The following CNTLN variants were observed in gnomAD, a reference collection of about 807,000 sequenced individuals.
The protein encoded by CNTLN is centlein.
A neutral mutation model predicts 180.0 loss-of-function variants in CNTLN; 212 were observed. The observed-to-expected ratio is 1.18, with a 90% CI of 1.05 to 1.32. The LOEUF (loss-of-function observed/expected upper bound fraction) is 1.32. Among genes scored for constraint, CNTLN ranks in the 40% most tolerant of loss-of-function variants. The probability of loss-of-function intolerance (pLI) is 0.00; values close to 1 mark genes in which losing one functional copy is unlikely to be tolerated. For missense variants in CNTLN, 2,095 were observed against 1,610.9 expected (o/e 1.30, Z -5.14); for synonymous variants, 722 against 563.1 (o/e 1.28, Z -3.99).
chr9:17,262,872 G>A (rs974648312), intron 5 of CNTLN, among the ~76,000 whole-genome samples: 1 of 151,194 alleles, frequency 6.6e-6, no homozygotes, highest in Non-Finnish European at 1.5e-5. Context: ...TAGTATTTTG[G>A]GGTGTGTTCC....
intron 15 of CNTLN, among the ~76,000 whole-genome samples, chr9:17,402,243 A>G (rs1827035959): frequency 1.3e-5 from 2 of 151,870 alleles, no homozygotes; most frequent in Admixed American, 1.3e-4. Flanking sequence ...AACAAAACAA[A>G]TAGGAAGGCA....
At chr9:17,423,822 T>TTG (rs1828897368) in intron 18 of CNTLN, among the ~76,000 whole-genome samples, 1 of 152,054 alleles carries the variant, frequency 6.6e-6, no homozygotes, top group Admixed American at 6.5e-5. Context: ...TGACAGGACT[T>TTG]TGCTCTGTCC....
intron 19 of CNTLN, among the ~76,000 whole-genome samples, chr9:17,462,608 A>G (rs541252524): frequency 1.3e-5 from 2 of 151,622 alleles, no homozygotes; most frequent in South Asian, 2.1e-4. Flanking sequence ...AAAATTCTTA[A>G]TTATTCACAT....
intron 2 of CNTLN, chr9:17,168,564 C>T (rs192846275): frequency 6.6e-6 from 1 of 152,144 alleles, no homozygotes. Flanking sequence ...TGTGACTGTT[C>T]ATGCTGATTC....
In CNTLN at chr9:17,449,367, G is replaced by A. The variant is rs528004723; in HGVS notation, c.3115-8157G>A. 1.3e-4 allele frequency among the ~76,000 whole-genome samples: 19 copies of A among 150,348 alleles called. No individual in the cohort carries two copies. The South Asian group carries it at 3.6e-3, about 28-fold the overall frequency. On this transcript the variant is annotated intron_variant, in intron 18 of 25. Transcript: ENST00000380647. ...TCCCACCTATGAGTGAGAACATGCG[G>A]TGTTTGGTTTTTTGTTCTTGCGATA...
chr9:17,277,596 C>G (rs908499311), intron 6 of CNTLN, among the ~76,000 whole-genome samples: 4 of 151,856 alleles, frequency 2.6e-5, no homozygotes, highest in Non-Finnish European at 5.9e-5. Context: ...AGCAGAAATC[C>G]TAGTTATTTG....
At chr9:17,226,810 G>T (rs1029140668) in intron 3 of CNTLN, among the ~76,000 whole-genome samples, 1 of 151,858 alleles carries the variant, frequency 6.6e-6, no homozygotes, top group African/African-American at 2.4e-5. Context: ...TCTGCTTCTG[G>T]GAAGGCCTCA....
chr9:17,359,603 C>T (rs1034808938), intron 12 of CNTLN, among the ~76,000 whole-genome samples: 3 of 150,678 alleles, frequency 2.0e-5, no homozygotes, highest in Non-Finnish European at 3.0e-5. Flanking sequence ...ACATCCAGGC[C>T]GAGTGCGGTG....
intron 6 of CNTLN, among the ~76,000 whole-genome samples, chr9:17,274,156 A>G (rs183828075): frequency 2.6e-5 from 4 of 152,166 alleles, no homozygotes; most frequent in Non-Finnish European, 5.9e-5. Flanking sequence ...ATTTCTAGCC[A>G]TGTGTTACAT....
intron 2 of CNTLN, among the ~76,000 whole-genome samples, chr9:17,214,522 A>G (rs960126712): frequency 6.6e-6 from 1 of 152,112 alleles, no homozygotes; most frequent in Non-Finnish European, 1.5e-5. Flanking sequence ...TGAATCTGAC[A>G]ATTATGTGTC....
Position 17,440,588 on chromosome 9 carries a change from C to CAAAAAAAAAAAAA in CNTLN, c.3115-16934_3115-16922dup, listed in dbSNP as rs35350865. Among the ~76,000 whole-genome samples, 689 of 114,520 alleles carry CAAAAAAAAAAAAA rather than the reference C, an allele frequency of 6.0e-3. 8 individuals are homozygous for CAAAAAAAAAAAAA. The highest frequency in any genetic ancestry group is 9.1e-3 in the Non-Finnish European group (521 of 57,490). 75.1% of individuals were successfully genotyped at this position (114,520 alleles called of 152,430 possible). On this transcript the variant is annotated intron_variant, in intron 18 of 25. Coordinates refer to ENST00000380647, the MANE Select transcript of CNTLN (RefSeq NM_017738.4). ...TGGGCGACGGAGCGAGACTCCGTCT[C>CAAAAAAAAAAAAA]AAAAAAAAAAAAAAGAACTGAAAAC...
chr9:17,506,599 T>A (rs1421993553), downstream of CNTLN, among the ~76,000 whole-genome samples: 1 of 152,200 alleles, frequency 6.6e-6, no homozygotes, highest in East Asian at 1.9e-4. Flanking sequence ...TTTTAATTTC[T>A]TCTCCATATT....
intron 18 of CNTLN, among the ~76,000 whole-genome samples, chr9:17,450,173 TA>T (rs1830701525): frequency 6.6e-6 from 1 of 152,294 alleles, no homozygotes; most frequent in South Asian, 2.1e-4. Flanking sequence ...TTCAGACCCA[TA>T]AAAAAACTGC....
chr9:17,451,120 A>G (rs1183838894), intron 18 of CNTLN, among the ~76,000 whole-genome samples: 2 of 152,146 alleles, frequency 1.3e-5, no homozygotes, highest in African/African-American at 4.8e-5. Flanking sequence ...ATCCCCTTTA[A>G]AAGTATAATA....
At chr9:17,384,302 A>AAC (rs1554707373) in intron 13 of CNTLN, among the ~76,000 whole-genome samples, 2 of 151,294 alleles carry the variant, frequency 1.3e-5, no homozygotes, top group Admixed American at 6.6e-5. Context: ...AAAAAAAAAA[A>AAC]CTACTTATCC....
intron 3 of CNTLN, among the ~76,000 whole-genome samples, chr9:17,228,605 T>C (rs1824622017): frequency 6.6e-6 from 1 of 152,080 alleles, no homozygotes; most frequent in Non-Finnish European, 1.5e-5. Flanking sequence ...TGCCATATTC[T>C]CCTACACTAC....
At chr9:17,221,913 G>A (rs1196105349) in intron 2 of CNTLN, among the ~76,000 whole-genome samples, 3 of 151,928 alleles carry the variant, frequency 2.0e-5, no homozygotes, top group Non-Finnish European at 4.4e-5. Flanking sequence ...ATCTGAATCT[G>A]TTCTCATATT....
chr9:17,498,278 T>C (rs528421490), intron 25 of CNTLN, among the ~76,000 whole-genome samples: 1 of 152,296 alleles, frequency 6.6e-6, no homozygotes, highest in East Asian at 1.9e-4. Context: ...GCTCTGCTAT[T>C]TTTCTAAGAT....
At chr9:17,412,499 T>C (rs1428895641) in intron 16 of CNTLN, among the ~76,000 whole-genome samples, 1 of 152,226 alleles carries the variant, frequency 6.6e-6, no homozygotes, top group Non-Finnish European at 1.5e-5. Flanking sequence ...GTGAAATTGA[T>C]ACATGTTTAG....
Sources: gnomAD v4.1 joint callset for allele counts (sites outside exome capture counted in the v4.1 genomes callset) on GRCh38, gnomAD v4.1.1 for gene constraint, MANE v1.5 for transcripts, NCBI Gene and HGNC (gene_info 2026-07-23, HGNC 2026-07-21) for gene names.